Variants in SDC4 observed in about 807,000 individuals in gnomAD.
SDC4 encodes the protein syndecan-4.
In SDC4, 17 loss-of-function variants were observed where a neutral mutation model predicts 20.5. The observed-to-expected ratio is 0.83, with a 90% CI of 0.57 to 1.25. SDC4 has a LOEUF of 1.25. Ranked by LOEUF, SDC4 falls within the 50% of genes most tolerant of loss-of-function variation. The pLI is 0.00. For synonymous variants in SDC4, 107 were observed against 105.3 expected (o/e 1.02, Z -0.10); for missense variants, 241 against 252.3 (o/e 0.96, Z 0.30).
chr20:45,339,256 C>A (rs1258930935), intron 1 of SDC4, among the ~76,000 whole-genome samples: 1 of 152,226 alleles, frequency 6.6e-6, no homozygotes, highest in Non-Finnish European at 1.5e-5. Flanking sequence ...AAGAACCAGG[C>A]CACCCAGCAG....
At chr20:45,339,346 C>T (rs949808317) in intron 1 of SDC4, among the ~76,000 whole-genome samples, 1 of 152,232 alleles carries the variant, frequency 6.6e-6, no homozygotes, top group African/African-American at 2.4e-5. Flanking sequence ...GCTCACCCCA[C>T]CTTTGCCCAG....
intron 1 of SDC4, among the ~76,000 whole-genome samples, chr20:45,337,929 G>A (rs1481829488): frequency 6.6e-6 from 1 of 152,318 alleles, no homozygotes; most frequent in South Asian, 2.1e-4. Flanking sequence ...TTCATGACTC[G>A]GGAATCAGGA....
intron 2 of SDC4, 53 bp downstream of exon 2, chr20:45,335,729 G>A (rs1283358713): frequency 3.8e-6 from 6 of 1,580,336 alleles, no homozygotes; most frequent in Non-Finnish European, 5.2e-6. Context: ...GGCTGGTGAA[G>A]CCACCACTCC....
At chr20:45,329,802 G>A (rs1383098471) in intron 4 of SDC4, among the ~76,000 whole-genome samples, 1 of 152,232 alleles carries the variant, frequency 6.6e-6, no homozygotes, top group Non-Finnish European at 1.5e-5. Flanking sequence ...TCTCAACTGA[G>A]GCCAAATCGG....
At chr20:45,330,274 T>C in intron 4 of SDC4, 92 bp downstream of exon 4, 3 of 1,177,290 alleles carry the variant, frequency 2.5e-6, no homozygotes, top group Non-Finnish European at 3.8e-6. Flanking sequence ...CCAAGGAGCC[T>C]CATGGCTGGA....
At chr20:45,346,874 CAA>C (rs776555587) in intron 1 of SDC4, among the ~76,000 whole-genome samples, 9 of 152,236 alleles carry the variant, frequency 5.9e-5, no homozygotes, top group African/African-American at 1.9e-4. Flanking sequence ...TGGAGTAGCA[CAA>C]AGAGTAGAAG....
At chr20:45,332,098 G>A (rs1029200473) in intron 3 of SDC4, among the ~76,000 whole-genome samples, 1 of 151,876 alleles carries the variant, frequency 6.6e-6, no homozygotes, top group Non-Finnish European at 1.5e-5. Context: ...ATTAAATTAT[G>A]CAGGGAAATA....
At chr20:45,347,068 A>T (rs111749096) in intron 1 of SDC4, among the ~76,000 whole-genome samples, 155 of 152,242 alleles carry the variant, frequency 1.0e-3, no homozygotes, top group African/African-American at 3.6e-3. Flanking sequence ...TACCCATTAG[A>T]AAGTTATTAG....
intron 4 of SDC4, among the ~76,000 whole-genome samples, chr20:45,327,823 T>C (rs1051286930): frequency 2.6e-5 from 4 of 152,220 alleles, no homozygotes; most frequent in African/African-American, 9.6e-5. Context: ...TTTGTATTTT[T>C]AGTAGAGATA....
In SDC4 at chr20:45,334,239, C is replaced by T. The variant is rs369318623; in HGVS notation, c.200-1170G>A. Among the ~76,000 whole-genome samples the T allele has an allele frequency of 4.6e-5, 7 of 151,852 alleles. 1 individual carries two copies. In the Middle Eastern group the frequency reaches 0.01, roughly 223 times the overall value. The stretch of plus-strand genomic sequence containing the variant: ...GTCTCGATCTCTTGACCTTGTGATC[C>T]GCCTGCCTTGGCCTCCCACAGTGCT... On this transcript the variant is annotated intron_variant, in intron 2 of 4. Transcript: ENST00000372733.
intron 1 of SDC4, among the ~76,000 whole-genome samples, chr20:45,337,513 C>A (rs1987890206): frequency 6.6e-6 from 1 of 152,230 alleles, no homozygotes; most frequent in African/African-American, 2.4e-5. Flanking sequence ...AGAGCGTTCG[C>A]TACATAACTC....
chr20:45,331,462 T>C (rs1987776211), intron 3 of SDC4, among the ~76,000 whole-genome samples: 1 of 152,116 alleles, frequency 6.6e-6, no homozygotes, highest in Non-Finnish European at 1.5e-5. Flanking sequence ...ACATCTTGAA[T>C]AGGGGCTGGG....
intron 1 of SDC4, among the ~76,000 whole-genome samples, chr20:45,347,650 C>T (rs2145719786): frequency 6.6e-6 from 1 of 152,298 alleles, no homozygotes; most frequent in Admixed American, 6.5e-5. Context: ...TGAGTCTAAA[C>T]CATTCCTCTC....
rs751861395 is a variant in SDC4 at position 45,327,424 on chromosome 20, G to C, written c.446-9C>G. On this transcript the variant is annotated splice_polypyrimidine_tract_variant and intron_variant, in intron 4 of 4. Coordinates refer to ENST00000372733, the MANE Select transcript of SDC4 (RefSeq NM_002999.4). Reference sequence around the variant, plus strand: ...GCCACCCACAATCAGAGCTGGAGAGGAGGAGAGAGAAGAGGCGGGGGTGAG... The same window carrying C: ...GCCACCCACAATCAGAGCTGGAGAGCAGGAGAGAGAAGAGGCGGGGGTGAG... 6.2e-7 allele frequency: 1 copy of C among 1,610,762 alleles called. No homozygotes were observed. Among genetic ancestry groups the C allele is most frequent in the South Asian group, 1.1e-5 (1 of 90,964 alleles).
At chr20:45,335,160 C>A (rs917935463) in intron 2 of SDC4, among the ~76,000 whole-genome samples, 3 of 151,342 alleles carry the variant, frequency 2.0e-5, no homozygotes, top group Non-Finnish European at 4.4e-5. Flanking sequence ...CCACCCCATC[C>A]CCACTTCTAA....
At position 45,325,330 on chromosome 20, in the gene SDC4, T is replaced by G. The variant is rs1205638409; in HGVS notation, c.*1934A>C. The stretch of plus-strand genomic sequence containing the variant: ...TTTATTATCTTTTTATCAAAAAAAA[T>G]CAGTAACAGACAACAGTGTGAGAGG... On this transcript the variant is annotated 3_prime_UTR_variant, in exon 5 of 5. Transcript: ENST00000372733. The G allele has an allele frequency of 2.0e-5, 3 of 152,542 alleles. No individual in the cohort carries two copies. Among genetic ancestry groups the G allele is most frequent in the Non-Finnish European group, 4.4e-5 (3 of 68,036 alleles). 9.4% of individuals were successfully genotyped at this position (152,542 alleles called of 1,614,324 possible). A position where few individuals can be genotyped will look rare whatever the true frequency, so the allele number is the denominator to read the frequency against.
At chr20:45,342,264 C>T in intron 1 of SDC4, among the ~76,000 whole-genome samples, 1 of 152,290 alleles carries the variant, frequency 6.6e-6, no homozygotes, top group Admixed American at 6.5e-5. Context: ...CCTCCCTCAC[C>T]GACCCCCAAG....
chr20:45,329,782 A>G (rs573529853), intron 4 of SDC4, among the ~76,000 whole-genome samples: 37 of 152,218 alleles, frequency 2.4e-4, no homozygotes, highest in Admixed American at 7.2e-4. Flanking sequence ...CGCACATTCC[A>G]GTAAAGAACT....
At chr20:45,339,943 T>C (rs1212774795) in intron 1 of SDC4, among the ~76,000 whole-genome samples, 1 of 152,180 alleles carries the variant, frequency 6.6e-6, no homozygotes, top group Admixed American at 6.5e-5. Flanking sequence ...TTTTATAACC[T>C]AGCAAACAGA....
Sources: allele counts gnomAD v4.1 joint callset (sites outside exome capture counted in the v4.1 genomes callset), GRCh38; gene constraint gnomAD v4.1.1; transcripts MANE v1.5; gene names NCBI Gene and HGNC (gene_info 2026-07-23, HGNC 2026-07-21).